The following PIK3R3 variants were observed in gnomAD, a reference collection of about 807,000 sequenced individuals.
PIK3R3 encodes the protein phosphoinositide-3-kinase regulatory subunit 3.
A neutral mutation model predicts 62.9 loss-of-function variants in PIK3R3; 64 were observed. The ratio of observed to expected loss-of-function variants is 1.02; its 90% CI spans 0.83 to 1.25. The LOEUF is 1.25. Among genes scored for constraint, PIK3R3 ranks in the 50% most tolerant of loss-of-function variants. The pLI is 0.00. For missense variants in PIK3R3, 614 were observed against 561.6 expected, an observed-to-expected ratio of 1.09 and a Z score of -0.94; for synonymous variants, 165 against 189.0, an observed-to-expected ratio of 0.87 and a Z score of 1.04.
At position 46,040,180 on chromosome 1, in the gene PIK3R3, T is replaced by C; in HGVS notation, c.*3493A>G. On this transcript the variant is annotated 3_prime_UTR_variant, in exon 10 of 10. Coordinates refer to ENST00000262741, the MANE Select transcript of PIK3R3 (RefSeq NM_003629.4). ...GTCTTTATTGCATTACTGGAGCAAG[T>C]TGGCCAGACTGTCCCCTCTTGGGGA... 1 of 217,168 alleles carries C rather than the reference T, an allele frequency of 4.6e-6. No individual in the cohort carries two copies. The highest frequency in any genetic ancestry group is 9.3e-6 in the Non-Finnish European group (1 of 107,774). 13.5% of individuals were successfully genotyped at this position (217,168 alleles called of 1,614,324 possible). A position where few individuals can be genotyped will look rare whatever the true frequency, so the allele number is the denominator to read the frequency against.
the PIK3R3 span, among the ~76,000 whole-genome samples, chr1:46,156,373 C>T: frequency 6.7e-6 from 1 of 150,074 alleles, no homozygotes; most frequent in South Asian, 2.1e-4. Context: ...ACAGGAGAAT[C>T]GTTTGAACCC....
chr1:46,135,873 TA>T (rs1391107064), upstream of PIK3R3, among the ~76,000 whole-genome samples: 1 of 151,676 alleles, frequency 6.6e-6, no homozygotes, highest in African/African-American at 2.4e-5. Context: ...ATACTAAAAA[TA>T]AAAAAATTAG....
At chr1:46,133,041 G>A, upstream of PIK3R3, 1 of 1,021,968 alleles carries the variant, frequency 9.8e-7, no homozygotes, top group Non-Finnish European at 1.2e-6. Context: ...CCGGTTGCCG[G>A]AGCCTGGAGC....
chr1:46,045,906 G>T lies in PIK3R3; in HGVS notation c.1187+12C>A. On this transcript the variant is annotated intron_variant, in intron 9 of 9. Coordinates refer to ENST00000262741, the MANE Select transcript of PIK3R3 (RefSeq NM_003629.4). Reference sequence around the variant, plus strand: ...AAGATTTCAAAAGGTTATATCCCCAGAGAAGACTTACACCACAGAGCAAGC... The same window carrying T: ...AAGATTTCAAAAGGTTATATCCCCATAGAAGACTTACACCACAGAGCAAGC... 6.2e-7 allele frequency: 1 copy of T among 1,606,136 alleles called. No homozygotes were observed. The highest frequency in any genetic ancestry group is 8.5e-7 in the Non-Finnish European group (1 of 1,173,704).
intron 5 of PIK3R3, among the ~76,000 whole-genome samples, chr1:46,064,986 C>T (rs1375362052): frequency 6.6e-6 from 1 of 151,908 alleles, no homozygotes; most frequent in African/African-American, 2.4e-5. Context: ...TAGAAAGAGC[C>T]CAAGGTAAGT....
chr1:46,126,160 T>C (rs773140719), intron 1 of PIK3R3, among the ~76,000 whole-genome samples: 6 of 152,134 alleles, frequency 3.9e-5, no homozygotes, highest in Non-Finnish European at 7.4e-5. Context: ...CTCATTCTCT[T>C]ATAACTGTAC....
intron 1 of PIK3R3, among the ~76,000 whole-genome samples, chr1:46,125,012 T>C (rs557117800): frequency 6.6e-6 from 1 of 152,112 alleles, no homozygotes; most frequent in Middle Eastern, 3.4e-3. Context: ...GGCAGGAGAA[T>C]TGCCTGAACA....
At chr1:46,114,951 A>T (rs1334873710) in intron 1 of PIK3R3, among the ~76,000 whole-genome samples, 1 of 151,854 alleles carries the variant, frequency 6.6e-6, no homozygotes, top group African/African-American at 2.4e-5. Context: ...AGGTAGTTCT[A>T]ATGCACACTC....
chr1:46,170,578 G>T, the PIK3R3 span, among the ~76,000 whole-genome samples: 4 of 152,198 alleles, frequency 2.6e-5, no homozygotes, highest in Non-Finnish European at 5.9e-5. Context: ...CTGCCACCAA[G>T]CCTGGCTAAT....
At chr1:46,154,629 G>C in the PIK3R3 span, among the ~76,000 whole-genome samples, 8 of 152,154 alleles carry the variant, frequency 5.3e-5, no homozygotes, top group Non-Finnish European at 7.4e-5. Context: ...CTGAGGAAAT[G>C]AGGAATAGAG....
intron 6 of PIK3R3, among the ~76,000 whole-genome samples, chr1:46,061,500 T>G (rs1299076941): frequency 6.6e-6 from 1 of 152,160 alleles, no homozygotes; most frequent in African/African-American, 2.4e-5. Flanking sequence ...GAGCACCCAT[T>G]ATGTACTCCC....
chr1:46,141,085 C>T, the PIK3R3 span, among the ~76,000 whole-genome samples: 1 of 151,782 alleles, frequency 6.6e-6, no homozygotes, highest in African/African-American at 2.4e-5. Flanking sequence ...GTCTTGAACT[C>T]CTGTGCTCAA....
upstream of PIK3R3, chr1:46,132,759 T>C (rs1034432393): frequency 4.7e-6 from 6 of 1,280,032 alleles, no homozygotes; most frequent in Non-Finnish European, 5.1e-6. Flanking sequence ...CACCGCCCCT[T>C]CCACGCCGTC....
intron 4 of PIK3R3, 120 bp downstream of exon 4, chr1:46,066,791 T>G: frequency 1.2e-6 from 1 of 828,816 alleles, no homozygotes; most frequent in Non-Finnish European, 2.0e-6. Context: ...TGTCTCAAAG[T>G]AAATAAATAA....
At chr1:46,108,013 GAACT>G (rs576737624) in intron 1 of PIK3R3, among the ~76,000 whole-genome samples, 153 of 152,220 alleles carry the variant, frequency 1.0e-3, no homozygotes, top group African/African-American at 3.6e-3. Flanking sequence ...CTATAAAGAA[GAACT>G]AATAATCTCT....
At position 46,125,917 on chromosome 1, in the gene PIK3R3, C is replaced by T. The variant is rs1655050928; in HGVS notation, c.106+5930G>A. Among the ~76,000 whole-genome samples, 5 of 152,070 alleles carry T rather than the reference C, an allele frequency of 3.3e-5. No homozygotes were observed. In the South Asian group the frequency reaches 1.0e-3, roughly 32 times the overall value. On this transcript the variant is annotated intron_variant, in intron 1 of 9. Transcript: ENST00000262741. ...CTGGGACTACAGGCGCCCGCCACCA[C>T]ACCCAGCTAACTTTTTGTATTTTTA... is the stretch of plus-strand genomic sequence containing the variant.
rs182084763 is a variant in PIK3R3, at chr1:46,087,655, G to A, written c.107-6905C>T. ...TCACTATATTGCCAAGGGTGGTCTC[G>A]AATTCCTGGGCTCAAATGATCTTCC... On this transcript the variant is annotated intron_variant, in intron 1 of 9. Coordinates refer to ENST00000262741, the MANE Select transcript of PIK3R3 (RefSeq NM_003629.4). Among the ~76,000 whole-genome samples, 23 of 130,590 alleles carry A rather than the reference G, an allele frequency of 1.8e-4. No individual in the cohort carries two copies. The South Asian group carries it at 2.6e-3, about 15-fold the overall frequency. The allele number at this position is 130,590 out of a possible 152,430, so 85.7% of individuals were successfully genotyped here. A position where few individuals can be genotyped will look rare whatever the true frequency, so the allele number is the denominator to read the frequency against.
chr1:46,169,784 CTG>C, the PIK3R3 span, among the ~76,000 whole-genome samples: 2 of 152,212 alleles, frequency 1.3e-5, no homozygotes, highest in Non-Finnish European at 2.9e-5. Flanking sequence ...TGGCATTTGC[CTG>C]TCTTTGGAAC....
the PIK3R3 span, among the ~76,000 whole-genome samples, chr1:46,138,398 G>A: frequency 2.6e-4 from 40 of 152,300 alleles, no homozygotes; most frequent in East Asian, 1.2e-3. Context: ...GGTGGCTCAC[G>A]CCCATAATCC....
Sources: allele counts gnomAD v4.1 joint callset (sites outside exome capture counted in the v4.1 genomes callset), GRCh38; gene constraint gnomAD v4.1.1; transcripts MANE v1.5; gene names NCBI Gene and HGNC (gene_info 2026-07-23, HGNC 2026-07-21).